The following CFAP46 variants were observed in gnomAD, a reference collection of about 807,000 sequenced individuals.
The protein encoded by CFAP46 is cilia- and flagella-associated protein 46.
Under a neutral mutation model 325.7 loss-of-function variants are expected in CFAP46, and 245 were observed. The observed-to-expected ratio is 0.75, with a 90% CI of 0.68 to 0.84. The LOEUF (loss-of-function observed/expected upper bound fraction) is 0.84, where lower values mean the gene tolerates loss of function less well. Among genes scored for constraint, CFAP46 ranks in the 40% least tolerant of loss-of-function variants. CFAP46 has a pLI of 0.00. For missense variants in CFAP46, 3,346 were observed against 3,543.0 expected (o/e 0.94, Z 1.41); for synonymous variants, 1,523 against 1,495.9 (o/e 1.02, Z -0.42).
Position 132,884,289 on chromosome 10 carries a change from T to C in CFAP46, c.3627+814A>G, listed in dbSNP as rs546355482. ...CCACGGTGGTACCCAGGCGTCTGCC[T>C]TGATCACCCAGTGCCCTGAGCCGGC... On this transcript the variant is annotated intron_variant, in intron 27 of 57. Transcript: ENST00000368586. The surrounding 1 kb of genome is among the most constrained non-coding windows in gnomAD (Gnocchi z 5.4). Among the ~76,000 whole-genome samples, 1 of 152,240 alleles carries C rather than the reference T, an allele frequency of 6.6e-6. No homozygotes were observed. Among genetic ancestry groups the C allele is most frequent in the South Asian group, 2.1e-4 (1 of 4,818 alleles).
At chr10:132,921,001 G>A (rs1849714416) in intron 13 of CFAP46, among the ~76,000 whole-genome samples, 3 of 152,250 alleles carry the variant, frequency 2.0e-5, no homozygotes, top group African/African-American at 7.2e-5. Context: ...GCACAGGTGC[G>A]GCAGCATCTG....
chr10:132,834,182 T>A, intron 48 of CFAP46, 59 bp from the exon 49 acceptor site: 1 of 1,497,026 alleles, frequency 6.7e-7, no homozygotes, highest in Non-Finnish European at 9.3e-7. Context: ...GCTTGGAATA[T>A]AGGCGACACC....
chr10:132,918,284 G>A (rs1179703365), intron 16 of CFAP46, 109 bp downstream of exon 16: 1 of 381,640 alleles, frequency 2.6e-6, no homozygotes, highest in African/African-American at 9.7e-5. Context: ...TCTCCACGAC[G>A]CACCTCAGCA....
intron 50 of CFAP46, among the ~76,000 whole-genome samples, chr10:132,824,863 CTGA>C (rs1440959055): frequency 5.7e-5 from 7 of 123,748 alleles, no homozygotes; most frequent in African/African-American, 1.6e-4. Context: ...TGTGTGTGTG[CTGA>C]TGTGTGCTGT....
At chr10:132,898,865 G>T in intron 24 of CFAP46, 94 bp downstream of exon 24, 1 of 1,461,980 alleles carries the variant, frequency 6.8e-7, no homozygotes, top group Non-Finnish European at 9.4e-7. Context: ...AGGCCTGTGG[G>T]GTCTGTCTTT....
At chr10:132,834,801 C>T in intron 47 of CFAP46, 26 bp from the exon 48 acceptor site, 1 of 1,603,992 alleles carries the variant, frequency 6.2e-7, no homozygotes, top group South Asian at 1.1e-5. Context: ...AAAGAGGCCC[C>T]CGTAGCAAAC....
chr10:132,935,942 C>CAT (rs1564806335), intron 7 of CFAP46, among the ~76,000 whole-genome samples: 4 of 120,614 alleles, frequency 3.3e-5, no homozygotes, highest in South Asian at 3.3e-4. Flanking sequence ...CCCCTCGGCA[C>CAT]CCAAACACAC....
intron 22 of CFAP46, among the ~76,000 whole-genome samples, chr10:132,907,128 G>C (rs1387409113): frequency 6.6e-6 from 1 of 152,278 alleles, no homozygotes; most frequent in Admixed American, 6.5e-5. Context: ...CGTGGGCCTG[G>C]GGCGCTCCTT....
Position 132,885,304 on chromosome 10 carries a change from G to A in CFAP46, c.3444-18C>T, listed in dbSNP as rs1216340156. The A allele has an allele frequency of 6.5e-7, 1 of 1,535,268 alleles. No individual in the cohort carries two copies. The highest frequency in any genetic ancestry group is 2.5e-5 in the East Asian group (1 of 40,520). ...AGATCAAGCTAAAGAAAGGGAAGGT[G>A]AGAAACCAACGTCAGGATCGGGTGG... On this transcript the variant is annotated intron_variant, in intron 26 of 57. Coordinates refer to ENST00000368586, the MANE Select transcript of CFAP46 (RefSeq NM_001200049.3).
intron 35 of CFAP46, among the ~76,000 whole-genome samples, chr10:132,864,821 C>T (rs1352609602): frequency 2.1e-5 from 3 of 145,104 alleles, no homozygotes; most frequent in African/African-American, 7.6e-5. Context: ...TCCCCAGTGC[C>T]TGAGACCTGC....
intron 24 of CFAP46, among the ~76,000 whole-genome samples, chr10:132,897,731 C>A (rs1849337587): frequency 2.6e-5 from 4 of 152,222 alleles, no homozygotes; most frequent in Admixed American, 2.0e-4. Flanking sequence ...AGAGGCAGCT[C>A]TGCACAGAGC....
intron 44 of CFAP46, among the ~76,000 whole-genome samples, chr10:132,838,683 G>A (rs915071874): frequency 6.6e-5 from 10 of 152,266 alleles, no homozygotes; most frequent in African/African-American, 2.2e-4. Flanking sequence ...CGTCAATGGG[G>A]GTCATGAGCG....
intron 50 of CFAP46, among the ~76,000 whole-genome samples, chr10:132,829,396 AC>A (rs1353953112): frequency 1.3e-5 from 2 of 152,148 alleles, no homozygotes; most frequent in African/African-American, 2.4e-5. Flanking sequence ...TTGTACCTTG[AC>A]TTTTATATCC....
intron 50 of CFAP46, among the ~76,000 whole-genome samples, chr10:132,822,162 CTG>C (rs1293196903): frequency 4.9e-5 from 5 of 101,340 alleles, no homozygotes; most frequent in African/African-American, 1.2e-4. Context: ...GTGCTGTGTG[CTG>C]TGTGTGCTGA....
chr10:132,918,436 T>C lies in CFAP46; in HGVS notation c.1943A>G (p.Asp648Gly). 2 of 1,548,598 alleles carry C rather than the reference T, an allele frequency of 1.3e-6. No homozygotes were observed. Among genetic ancestry groups the C allele is most frequent in the Non-Finnish European group, 1.7e-6 (2 of 1,146,010 alleles). Residue 648 changes from aspartate to glycine, a missense_variant, in exon 16 of 58, where the codon GAC (aspartate) becomes GGC (glycine). By Grantham distance (94) the Asp-to-Gly change is moderately conservative. Coordinates refer to ENST00000368586, the MANE Select transcript of CFAP46 (RefSeq NM_001200049.3). ...EVVLQRQVCP[D>G]LLRKFAEVGF... ...CACCTCCGCGAACTTCCGCAGCAGGTCGGGGCACACCTGCCTCTGCAGGAC... is the reference window on the plus strand; with the variant it reads ...CACCTCCGCGAACTTCCGCAGCAGGCCGGGGCACACCTGCCTCTGCAGGAC...
intron 18 of CFAP46, 69 bp downstream of exon 18, chr10:132,912,977 G>C: frequency 6.6e-7 from 1 of 1,515,746 alleles, no homozygotes; most frequent in Non-Finnish European, 8.9e-7. Flanking sequence ...GCAGCTGCCT[G>C]CCTTTGCTCT....
At position 132,942,047 on chromosome 10, in the gene CFAP46, G is replaced by A. The variant is rs1850112152; in HGVS notation, c.107C>T (p.Ser36Leu). ...GAAGCTCTCTGAGGGGTCAAACTCCGATTTCCCTAGGTTGGCCGATTTGAT... is the reference window on the plus strand; with the variant it reads ...GAAGCTCTCTGAGGGGTCAAACTCCAATTTCCCTAGGTTGGCCGATTTGAT... ...ELIKSANLGK[S>L]EFDPSESFSP... Residue 36 changes from serine to leucine, a missense_variant, in exon 2 of 58, where the codon TCG (serine) becomes TTG (leucine). By Grantham distance (145) the Ser-to-Leu change is moderately radical. Transcript: ENST00000368586. 6.4e-7 allele frequency: 1 copy of A among 1,551,656 alleles called. No homozygotes were observed. Among genetic ancestry groups the A allele is most frequent in the Non-Finnish European group, 8.7e-7 (1 of 1,146,992 alleles).
At chr10:132,885,678 G>A in intron 26 of CFAP46, 143 bp downstream of exon 26, 1 of 813,010 alleles carries the variant, frequency 1.2e-6, no homozygotes, top group Non-Finnish European at 1.9e-6. Flanking sequence ...GGTGGGGGGA[G>A]CACACTCCGG....
At chr10:132,924,056 G>C (rs1285845803) in intron 11 of CFAP46, among the ~76,000 whole-genome samples, 2 of 152,242 alleles carry the variant, frequency 1.3e-5, no homozygotes, top group East Asian at 3.9e-4. Flanking sequence ...CGAAGAGGCT[G>C]AGCCCTCCCA....
Sources: allele counts gnomAD v4.1 joint callset (sites outside exome capture counted in the v4.1 genomes callset), GRCh38; gene constraint gnomAD v4.1.1; non-coding constraint Gnocchi (gnomAD v3.1); transcripts MANE v1.5; gene names NCBI Gene and HGNC (gene_info 2026-07-23, HGNC 2026-07-21).